The following RAB22A variants were observed in gnomAD, a reference collection of about 807,000 sequenced individuals.
RAB22A encodes the protein RAB22A, member RAS oncogene family, also known as ras-related protein Rab-22A.
RAB22A carries 13 observed loss-of-function variants against 30.2 expected under a neutral mutation model. The ratio of observed to expected loss-of-function variants is 0.43; its 90% CI spans 0.28 to 0.68. The LOEUF is 0.68. RAB22A is among the 30% of genes least tolerant of loss of function. The probability of loss-of-function intolerance (pLI) is 0.18; values close to 1 mark genes in which losing one functional copy is unlikely to be tolerated. For missense variants in RAB22A, 177 were observed against 246.8 expected, an observed-to-expected ratio of 0.72 and a Z score of 1.89; for synonymous variants, 89 against 87.2, an observed-to-expected ratio of 1.02 and a Z score of -0.11.
At chr20:58,334,181 A>T (rs1349267628) in intron 2 of RAB22A, among the ~76,000 whole-genome samples, 2 of 151,920 alleles carry the variant, frequency 1.3e-5, no homozygotes, top group Non-Finnish European at 2.9e-5. Flanking sequence ...AAACACAAAA[A>T]AACATTAGCT....
intron 6 of RAB22A, among the ~76,000 whole-genome samples, chr20:58,356,678 G>A (rs999298818): frequency 2.0e-5 from 3 of 152,114 alleles, no homozygotes; most frequent in African/African-American, 4.8e-5. Context: ...CTTCAGATTG[G>A]TTTATCTGGT....
Position 58,330,515 on chromosome 20 carries a change from A to G in RAB22A, c.117-13203A>G, listed in dbSNP as rs185868023. On this transcript the variant is annotated intron_variant, in intron 2 of 6. Coordinates refer to ENST00000244040, the MANE Select transcript of RAB22A (RefSeq NM_020673.3). ...CTAGTAGTTTTTTATATTGTACTGG[A>G]CACTGCAGAAGATACGCTGCAAAGA... Among the ~76,000 whole-genome samples the G allele has an allele frequency of 1.0e-3, 154 of 152,042 alleles. 1 individual carries two copies. Among genetic ancestry groups the G allele is most frequent in the Non-Finnish European group, 6.6e-4 (45 of 67,984 alleles).
chr20:58,365,627 G>GC lies in RAB22A; in HGVS notation c.*5925dup, dbSNP rs1987300740. On this transcript the variant is annotated 3_prime_UTR_variant, in exon 7 of 7. Coordinates refer to ENST00000244040, the MANE Select transcript of RAB22A (RefSeq NM_020673.3). The stretch of plus-strand genomic sequence containing the variant: ...AGTTCTTTACAGGGTGAATTAATCG[G>GC]CAGCTGGCTAGTCAGAGCAACTGAT... The GC allele has an allele frequency of 6.6e-6, 1 of 152,138 alleles. No homozygotes were observed. The highest frequency in any genetic ancestry group is 1.5e-5 in the Non-Finnish European group (1 of 68,096). 9.4% of individuals were successfully genotyped at this position (152,138 alleles called of 1,614,324 possible).
intron 2 of RAB22A, among the ~76,000 whole-genome samples, chr20:58,319,865 T>C (rs893321485): frequency 1.3e-5 from 2 of 152,258 alleles, no homozygotes. Flanking sequence ...GATGGTATTT[T>C]ACATATTTTG....
rs931654618 is a variant in RAB22A, at chr20:58,360,903, A to G, written c.*1200A>G. On this transcript the variant is annotated 3_prime_UTR_variant, in exon 7 of 7. Transcript: ENST00000244040. Reference sequence around the variant, plus strand: ...ACTAGTCCTTACTAGCCTGAGGGTAAAAGATTAAGCTCCAACCTCAAGTCA... The same window carrying G: ...ACTAGTCCTTACTAGCCTGAGGGTAGAAGATTAAGCTCCAACCTCAAGTCA... The G allele has an allele frequency of 6.6e-6, 1 of 152,614 alleles. No individual in the cohort carries two copies. The highest frequency in any genetic ancestry group is 2.4e-5 in the African/African-American group (1 of 41,442). 9.5% of individuals were successfully genotyped at this position (152,614 alleles called of 1,614,324 possible).
intron 2 of RAB22A, among the ~76,000 whole-genome samples, chr20:58,330,179 G>A (rs779307442): frequency 2.0e-5 from 3 of 152,160 alleles, no homozygotes; most frequent in South Asian, 2.1e-4. Context: ...ATTTTTATTC[G>A]TGGGGGGTCC....
chr20:58,343,942 C>G, intron 3 of RAB22A, 143 bp downstream of exon 3: 3 of 688,030 alleles, frequency 4.4e-6, no homozygotes, highest in Non-Finnish European at 7.4e-6. Context: ...GTAGGCCAGC[C>G]TTTGCCTTTG....
intron 2 of RAB22A, among the ~76,000 whole-genome samples, chr20:58,340,384 T>A (rs1306633008): frequency 6.6e-6 from 1 of 152,168 alleles, no homozygotes; most frequent in African/African-American, 2.4e-5. Context: ...ACTTCCCACA[T>A]ACCCTAAAGG....
chr20:58,328,771 A>G (rs1986611205), intron 2 of RAB22A, among the ~76,000 whole-genome samples: 1 of 151,742 alleles, frequency 6.6e-6, no homozygotes, highest in African/African-American at 2.4e-5. Context: ...CACCTTCCAT[A>G]CTCAAGAATA....
intron 2 of RAB22A, among the ~76,000 whole-genome samples, chr20:58,322,866 A>AT (rs1173400405): frequency 1.3e-5 from 2 of 151,606 alleles, no homozygotes; most frequent in Admixed American, 6.6e-5. Flanking sequence ...ACGATTTCTA[A>AT]TTTTTTTTCA....
At chr20:58,344,642 G>A (rs899708205) in intron 3 of RAB22A, among the ~76,000 whole-genome samples, 3 of 152,194 alleles carry the variant, frequency 2.0e-5, no homozygotes, top group South Asian at 4.1e-4. Context: ...TAGATGCATG[G>A]TGCTATCTTA....
chr20:58,320,616 G>T (rs914823408), intron 2 of RAB22A, among the ~76,000 whole-genome samples: 1 of 152,082 alleles, frequency 6.6e-6, no homozygotes, highest in African/African-American at 2.4e-5. Flanking sequence ...CATGGATTTT[G>T]ATATGTTGTG....
At chr20:58,319,730 C>A (rs1248822046) in intron 2 of RAB22A, among the ~76,000 whole-genome samples, 1 of 152,132 alleles carries the variant, frequency 6.6e-6, no homozygotes, top group East Asian at 1.9e-4. Context: ...TTCATTCAGT[C>A]TTTTACCATT....
chr20:58,316,599 G>A (rs1459666439), intron 2 of RAB22A, among the ~76,000 whole-genome samples: 1 of 152,082 alleles, frequency 6.6e-6, no homozygotes, highest in East Asian at 1.9e-4. Context: ...AGCCTATTGT[G>A]TTCCTCAAGT....
intron 6 of RAB22A, among the ~76,000 whole-genome samples, chr20:58,355,363 T>G (rs548944031): frequency 2.2e-4 from 34 of 152,296 alleles, no homozygotes; most frequent in South Asian, 4.1e-4. Context: ...TTGCTGAGGT[T>G]GTTTTCACAT....
chr20:58,309,969 C>T lies in RAB22A; in HGVS notation c.-8C>T. On this transcript the variant is annotated 5_prime_UTR_variant, in exon 1 of 7. Transcript: ENST00000244040. ...CGGCGGCGGGCCCGCGCCCCTGGCT[C>T]CCGGGCCATGGCGCTGAGGGAGCTC... 1 of 1,266,252 alleles carries T rather than the reference C, an allele frequency of 7.9e-7. No individual in the cohort carries two copies. The highest frequency in any genetic ancestry group is 3.1e-5 in the East Asian group (1 of 31,964). 78.4% of individuals were successfully genotyped at this position (1,266,252 alleles called of 1,614,324 possible).
chr20:58,311,712 G>A (rs925715160), intron 2 of RAB22A, among the ~76,000 whole-genome samples: 2 of 152,098 alleles, frequency 1.3e-5, no homozygotes, highest in African/African-American at 4.8e-5. Context: ...GTGTTTTATA[G>A]GCTTTAATAT....
chr20:58,311,240 C>T lies in RAB22A; in HGVS notation c.116+118C>T, dbSNP rs1986219878. On this transcript the variant is annotated intron_variant, in intron 2 of 6. Coordinates refer to ENST00000244040, the MANE Select transcript of RAB22A (RefSeq NM_020673.3). The stretch of plus-strand genomic sequence containing the variant: ...GTCATTGAATTCTGAGTCGCTGGTT[C>T]GCATCATCTCTGGAAGGACTTGAAA... The T allele has an allele frequency of 3.2e-6, 3 of 946,906 alleles. 1 individual carries two copies. The highest frequency in any genetic ancestry group is 1.4e-5 in the South Asian group (1 of 73,422). 58.7% of individuals were successfully genotyped at this position (946,906 alleles called of 1,614,324 possible). A position where few individuals can be genotyped will look rare whatever the true frequency, so the allele number is the denominator to read the frequency against.
At position 58,354,223 on chromosome 20, in the gene RAB22A, G is replaced by A. The variant is rs1174158375; in HGVS notation, c.445G>A (p.Ala149Thr). The change falls in exon 6 of 7, where the codon GCA (alanine) becomes ACA (threonine). Residue 149 changes from alanine to threonine, a missense_variant. Transcript: ENST00000244040. ...TCATGCAATTTTTGTAGAGACCAGC[G>A]CAAAAAACGCGATAAACATAAATGA... ...SIHAIFVETSAKNAININELF... is the reference protein window; with the variant it reads ...SIHAIFVETSTKNAININELF... The A allele has an allele frequency of 3.1e-6, 5 of 1,613,180 alleles. No individual in the cohort carries two copies. The Admixed American group carries it at 5.0e-5, about 16-fold the overall frequency.
Sources: allele counts gnomAD v4.1 joint callset (sites outside exome capture counted in the v4.1 genomes callset), GRCh38; gene constraint gnomAD v4.1.1; transcripts MANE v1.5; gene names NCBI Gene and HGNC (gene_info 2026-07-23, HGNC 2026-07-21).